Variants in GPC5 observed in about 807,000 individuals in gnomAD.
GPC5 encodes glypican-5.
GPC5 carries 47 observed loss-of-function variants against 53.9 expected under a neutral mutation model. The ratio of observed to expected loss-of-function variants is 0.87; its 90% CI spans 0.69 to 1.11. The LOEUF is 1.11. GPC5 is among the 50% of genes most tolerant of loss of function. The pLI, the probability that GPC5 is intolerant of heterozygous loss-of-function variation, is 0.00. For missense variants in GPC5, 748 were observed against 713.1 expected (o/e 1.05, Z -0.56); for synonymous variants, 286 against 263.3 (o/e 1.09, Z -0.84).
chr13:91,645,769 A>G (rs1026993296), intron 2 of GPC5, among the ~76,000 whole-genome samples: 1 of 152,214 alleles, frequency 6.6e-6, no homozygotes, highest in Non-Finnish European at 1.5e-5. Flanking sequence ...AAACTTTAGC[A>G]TACAAAAAAA....
chr13:91,983,112 G>A (rs1319944578), intron 6 of GPC5, among the ~76,000 whole-genome samples: 4 of 152,068 alleles, frequency 2.6e-5, no homozygotes, highest in South Asian at 2.1e-4. Flanking sequence ...TTGGGATGCC[G>A]AGACGGGCGG....
At chr13:92,021,671 A>G (rs1272142369) in intron 6 of GPC5, among the ~76,000 whole-genome samples, 1 of 152,218 alleles carries the variant, frequency 6.6e-6, no homozygotes, top group African/African-American at 2.4e-5. Flanking sequence ...CTATTTTCAT[A>G]AGAATATCAG....
chr13:91,479,789 A>C (rs1426146509), intron 2 of GPC5, among the ~76,000 whole-genome samples: 1 of 152,140 alleles, frequency 6.6e-6, no homozygotes, highest in Non-Finnish European at 1.5e-5. Context: ...TGATATATTT[A>C]TATTTTCTAC....
intron 7 of GPC5, among the ~76,000 whole-genome samples, chr13:92,625,804 A>G (rs1421864067): frequency 6.6e-6 from 1 of 152,212 alleles, no homozygotes. Flanking sequence ...AGGACACATT[A>G]TCTAAGCTTT....
chr13:91,538,609 G>A (rs922835119), intron 2 of GPC5, among the ~76,000 whole-genome samples: 1 of 138,604 alleles, frequency 7.2e-6, no homozygotes, highest in East Asian at 2.1e-4. Flanking sequence ...TTGAGATGGC[G>A]TCTTGCTCTG....
At chr13:92,467,040 G>A (rs9589546) in intron 7 of GPC5, among the ~76,000 whole-genome samples, 2,397 of 152,160 alleles carry the variant, frequency 0.016, 60 homozygotes, top group African/African-American at 0.053. Flanking sequence ...GAGAAACGAG[G>A]CCTCCATTTC....
chr13:92,013,293 A>G (rs1310083560), intron 6 of GPC5, among the ~76,000 whole-genome samples: 1 of 152,152 alleles, frequency 6.6e-6, no homozygotes, highest in East Asian at 1.9e-4. Flanking sequence ...CAGAGAGGGG[A>G]GCTGGAGAGG....
At chr13:92,382,044 A>G (rs1339518229) in intron 7 of GPC5, among the ~76,000 whole-genome samples, 1 of 151,258 alleles carries the variant, frequency 6.6e-6, no homozygotes, top group African/African-American at 2.4e-5. Context: ...CATAAGAAGG[A>G]ATAAAATAAC....
chr13:92,789,988 A>C (rs551337978), intron 7 of GPC5, among the ~76,000 whole-genome samples: 1 of 152,258 alleles, frequency 6.6e-6, no homozygotes, highest in South Asian at 2.1e-4. Flanking sequence ...CAAAAACTGA[A>C]GAACTTGGAA....
At chr13:92,559,760 G>T (rs1882634265) in intron 7 of GPC5, among the ~76,000 whole-genome samples, 1 of 151,410 alleles carries the variant, frequency 6.6e-6, no homozygotes, top group African/African-American at 2.4e-5. Flanking sequence ...GTCTTCTGAT[G>T]ACCGTGGTGT....
intron 5 of GPC5, among the ~76,000 whole-genome samples, chr13:91,765,832 A>G (rs1221165548): frequency 1.3e-5 from 2 of 152,210 alleles, no homozygotes; most frequent in Non-Finnish European, 2.9e-5. Flanking sequence ...TGAGATAATG[A>G]CTGAGAATGC....
At chr13:92,527,168 GAAAGAGAAAGAAAGAAGAAAGA>G (rs1566276736) in intron 7 of GPC5, among the ~76,000 whole-genome samples, 43 of 107,156 alleles carry the variant, frequency 4.0e-4, no homozygotes, top group Non-Finnish European at 7.0e-4. Context: ...AAGAAAGAAA[GAAAGAGAAAGAAAGAAGAAAGA>G]AAGAAAGAAA....
intron 7 of GPC5, among the ~76,000 whole-genome samples, chr13:92,146,977 C>T (rs867534871): frequency 2.6e-5 from 4 of 151,942 alleles, no homozygotes; most frequent in Non-Finnish European, 5.9e-5. Flanking sequence ...AGTGGAATAA[C>T]TCTTAGGGCA....
In GPC5 at chr13:92,326,430, G is replaced by T. The variant is rs372357932; in HGVS notation, c.1561+181441G>T. 2.0e-4 allele frequency among the ~76,000 whole-genome samples: 31 copies of T among 152,122 alleles called. No homozygotes were observed. In the East Asian group the frequency reaches 5.2e-3, roughly 26 times the overall value. On this transcript the variant is annotated intron_variant, in intron 7 of 7. Coordinates refer to ENST00000377067, the MANE Select transcript of GPC5 (RefSeq NM_004466.6). Reference sequence around the variant, plus strand: ...TATTTTTATAGAAACTTCAGCCAGTGTGTATATGTATATGTATTTGTTTGC... The same window carrying T: ...TATTTTTATAGAAACTTCAGCCAGTTTGTATATGTATATGTATTTGTTTGC...
intron 2 of GPC5, among the ~76,000 whole-genome samples, chr13:91,504,962 CA>C (rs1195771223): frequency 6.6e-6 from 1 of 151,950 alleles, no homozygotes; most frequent in African/African-American, 2.4e-5. Context: ...GTAAAACAAA[CA>C]AACAAGCAAA....
intron 1 of GPC5, among the ~76,000 whole-genome samples, chr13:91,422,843 T>C (rs1185178969): frequency 6.6e-6 from 1 of 152,144 alleles, no homozygotes; most frequent in Non-Finnish European, 1.5e-5. Flanking sequence ...CATTAATTCA[T>C]TGACACCTTA....
chr13:92,753,773 T>G (rs1048940502), intron 7 of GPC5, among the ~76,000 whole-genome samples: 1 of 151,054 alleles, frequency 6.6e-6, no homozygotes, highest in Non-Finnish European at 1.5e-5. Flanking sequence ...AAGGGAAGTT[T>G]AGAAAAAAAA....
At chr13:92,511,477 T>A (rs1403939244) in intron 7 of GPC5, among the ~76,000 whole-genome samples, 2 of 152,242 alleles carry the variant, frequency 1.3e-5, no homozygotes, top group Admixed American at 6.5e-5. Flanking sequence ...TCTGGGGATC[T>A]CCTTTGCTAG....
chr13:91,758,297 A>G lies in GPC5; in HGVS notation c.1280+1877A>G, dbSNP rs376265522. Among the ~76,000 whole-genome samples the G allele has an allele frequency of 4.3e-4, 66 of 152,222 alleles. 1 individual carries two copies. The East Asian group carries it at 0.01, about 23-fold the overall frequency. On this transcript the variant is annotated intron_variant, in intron 5 of 7. Transcript: ENST00000377067. ...TCTAGTTTGACATAGTATTTTTTCA[A>G]ACTGTTCAAACTGGAATTGAACTTT...
Sources: gnomAD v4.1 joint callset for allele counts (sites outside exome capture counted in the v4.1 genomes callset) on GRCh38, gnomAD v4.1.1 for gene constraint, MANE v1.5 for transcripts, NCBI Gene and HGNC (gene_info 2026-07-23, HGNC 2026-07-21) for gene names.